Variants in HMGXB4 observed in about 807,000 individuals in gnomAD.
HMGXB4 encodes the protein HMG domain-containing protein 4.
A neutral mutation model predicts 63.9 loss-of-function variants in HMGXB4; 27 were observed. The observed-to-expected ratio is 0.42, with a 90% confidence interval of 0.31 to 0.58. The LOEUF (loss-of-function observed/expected upper bound fraction) is 0.58. Among genes scored for constraint, HMGXB4 ranks in the 20% least tolerant of loss-of-function variants. The probability of loss-of-function intolerance (pLI) is 0.13; values close to 1 mark genes in which losing one functional copy is unlikely to be tolerated. For synonymous variants in HMGXB4, 264 were observed against 265.3 expected, an observed-to-expected ratio of 0.99 and a Z score of 0.05; for missense variants, 624 against 700.7, an observed-to-expected ratio of 0.89 and a Z score of 1.24.
intron 1 of HMGXB4, among the ~76,000 whole-genome samples, chr22:35,257,804 A>G (rs1405015779): frequency 2.6e-5 from 4 of 152,104 alleles, no homozygotes; most frequent in Admixed American, 1.3e-4. Flanking sequence ...GGAAGGCGGG[A>G]AAGCTGCGGG....
chr22:35,264,131 A>T (rs770462343), intron 4 of HMGXB4: 1 of 1,328,724 alleles, frequency 7.5e-7, no homozygotes. Flanking sequence ...TCATCCACTT[A>T]TCTTGTGCCC....
chr22:35,260,501 T>C (rs994731021), intron 1 of HMGXB4, among the ~76,000 whole-genome samples: 1 of 152,242 alleles, frequency 6.6e-6, no homozygotes, highest in Non-Finnish European at 1.5e-5. Context: ...CATCCTTAAA[T>C]GCTGGAACAT....
At chr22:35,269,963 G>GC (rs1923499342) in intron 5 of HMGXB4, among the ~76,000 whole-genome samples, 1 of 152,024 alleles carries the variant, frequency 6.6e-6, no homozygotes, top group African/African-American at 2.4e-5. Context: ...GGTTGACAGA[G>GC]CAAGACCCTG....
At chr22:35,282,422 A>G (rs752682722) in intron 5 of HMGXB4, among the ~76,000 whole-genome samples, 26 of 152,102 alleles carry the variant, frequency 1.7e-4, no homozygotes, top group Non-Finnish European at 3.5e-4. Flanking sequence ...TTGGCCTCCC[A>G]AAGTGCTGGA....
chr22:35,268,807 C>T lies in HMGXB4; in HGVS notation c.1215+3204C>T, dbSNP rs73883581. The stretch of plus-strand genomic sequence containing the variant: ...TATTAAACATACACTGTATGGAAAT[C>T]AGACTTGTTTCCCATACATTCTTAC... On this transcript the variant is annotated intron_variant, in intron 5 of 10. Transcript: ENST00000216106. 5.5e-3 allele frequency among the ~76,000 whole-genome samples: 837 copies of T among 152,300 alleles called. 10 individuals are homozygous for T. The highest frequency in any genetic ancestry group is 0.019 in the African/African-American group (783 of 41,558).
upstream of HMGXB4, chr22:35,257,425 G>C (rs1250023261): frequency 1.3e-5 from 2 of 152,692 alleles, no homozygotes; most frequent in African/African-American, 4.8e-5. Context: ...GGTCGAGCGG[G>C]ATTCCCCCTC....
At chr22:35,245,342 TTG>T in the HMGXB4 span, among the ~76,000 whole-genome samples, 4 of 150,616 alleles carry the variant, frequency 2.7e-5, no homozygotes, top group African/African-American at 7.3e-5. Context: ...TTTTTTTTTT[TTG>T]GCTGAGACTA....
intron 1 of HMGXB4, among the ~76,000 whole-genome samples, chr22:35,260,997 G>T (rs1164333267): frequency 3.3e-5 from 5 of 151,986 alleles, no homozygotes; most frequent in African/African-American, 4.8e-5. Context: ...TAATAATGAA[G>T]GTAAAATTAA....
At position 35,293,938 on chromosome 22, in the gene HMGXB4, C is replaced by G. The variant is rs1925085217; in HGVS notation, c.*287C>G. On this transcript the variant is annotated 3_prime_UTR_variant, in exon 11 of 11. Transcript: ENST00000216106. Reference sequence around the variant, plus strand: ...TGGTGGATAAATCTGCCTTAAAAATCAATGTAACTTGGGGGCTGGGGGCTT... The same window carrying G: ...TGGTGGATAAATCTGCCTTAAAAATGAATGTAACTTGGGGGCTGGGGGCTT... 1 of 209,210 alleles carries G rather than the reference C, an allele frequency of 4.8e-6. No homozygotes were observed. Among genetic ancestry groups the G allele is most frequent in the South Asian group, 1.6e-4 (1 of 6,088 alleles). The allele number at this position is 209,210 out of a possible 1,614,324, so 13.0% of individuals were successfully genotyped here.
intron 7 of HMGXB4, chr22:35,287,114 C>T (rs555070897): frequency 1.1e-4 from 48 of 444,010 alleles, no homozygotes; most frequent in Admixed American, 9.4e-4. Context: ...AAATCAGTGC[C>T]GAGATTTGAC....
intron 1 of HMGXB4, among the ~76,000 whole-genome samples, chr22:35,260,112 G>C (rs1401563552): frequency 6.6e-6 from 1 of 152,222 alleles, no homozygotes; most frequent in Non-Finnish European, 1.5e-5. Flanking sequence ...CAAAGGGAAG[G>C]CCTGTTATAA....
At chr22:35,267,009 A>T (rs1923291901) in intron 5 of HMGXB4, among the ~76,000 whole-genome samples, 1 of 152,036 alleles carries the variant, frequency 6.6e-6, no homozygotes, top group Non-Finnish European at 1.5e-5. Flanking sequence ...AAAAGAATCT[A>T]GGAATGGGAA....
At chr22:35,257,878 G>T (rs1922537402) in intron 1 of HMGXB4, among the ~76,000 whole-genome samples, 1 of 152,112 alleles carries the variant, frequency 6.6e-6, no homozygotes, top group East Asian at 1.9e-4. Context: ...CCCCCTGCCC[G>T]GGCCGTCTCC....
rs147373184 is a variant in HMGXB4 at position 35,293,654 on chromosome 22, G to C, written c.*3G>C. On this transcript the variant is annotated 3_prime_UTR_variant, in exon 11 of 11. Transcript: ENST00000216106. ...CTTACATCATGCCGGGACTGTGACA[G>C]CAAAGAATCCTGGGACAGAAACCTT... 4 of 1,606,854 alleles carry C rather than the reference G, an allele frequency of 2.5e-6. No homozygotes were observed. The African/African-American group carries it at 4.0e-5, about 16-fold the overall frequency.
intron 5 of HMGXB4, among the ~76,000 whole-genome samples, chr22:35,283,182 A>G (rs1924367696): frequency 6.6e-6 from 1 of 152,244 alleles, no homozygotes; most frequent in South Asian, 2.1e-4. Context: ...ACAAATGACA[A>G]TAAAAGCAGG....
intron 6 of HMGXB4, among the ~76,000 whole-genome samples, chr22:35,284,590 A>G (rs1053351154): frequency 2.0e-4 from 30 of 152,264 alleles, no homozygotes; most frequent in Admixed American, 2.0e-3. Flanking sequence ...AGCCTGTTTT[A>G]TAATAAAGTG....
intron 10 of HMGXB4, 93 bp from the exon 11 acceptor site, chr22:35,293,514 G>C: frequency 1.2e-6 from 1 of 860,422 alleles, no homozygotes; most frequent in Admixed American, 2.0e-5. Flanking sequence ...AACTCCATTT[G>C]ATTTTTCTTA....
the HMGXB4 span, among the ~76,000 whole-genome samples, chr22:35,251,309 T>G: frequency 1.3e-5 from 2 of 151,992 alleles, no homozygotes; most frequent in African/African-American, 4.8e-5. Context: ...TCTCCTGACC[T>G]CGTGATCCAC....
At position 35,287,376 on chromosome 22, in the gene HMGXB4, G is replaced by C. The variant is rs1179555388; in HGVS notation, c.1392G>C (p.Gln464His). 4 of 1,613,424 alleles carry C rather than the reference G, an allele frequency of 2.5e-6. No individual in the cohort carries two copies. Among genetic ancestry groups the C allele is most frequent in the Non-Finnish European group, 2.5e-6 (3 of 1,179,582 alleles). Residue 464 changes from glutamine to histidine, a missense_variant, in exon 8 of 11, where the codon CAG becomes CAC. This residue lies in a region of HMGXB4 where 152 missense variants were observed against 230.1 expected (regional missense o/e 0.66). Transcript: ENST00000216106. ...GGAAGCAAAAAGCTCAGTATCTGCA[G>C]CACAAACAGAACAAAGCAGAAGCCA... is the stretch of plus-strand genomic sequence containing the variant. ...LIWKQKAQYL[Q>H]HKQNKAEATT...
Sources: allele counts gnomAD v4.1 joint callset (sites outside exome capture counted in the v4.1 genomes callset), GRCh38; gene constraint gnomAD v4.1.1; regional missense constraint gnomAD v4.1.1; transcripts MANE v1.5; gene names NCBI Gene and HGNC (gene_info 2026-07-23, HGNC 2026-07-21).